MEIS1: variants seen among roughly 807,000 people sequenced by gnomAD.
MEIS1 encodes the protein homeobox protein Meis1.
MEIS1 carries 5 observed loss-of-function variants against 50.8 expected under a neutral mutation model. The observed-to-expected ratio is 0.10, with a 90% CI of 0.05 to 0.21. MEIS1 has a LOEUF of 0.21. Among genes scored for constraint, MEIS1 ranks in the 10% least tolerant of loss-of-function variants. The pLI is 1.00. For synonymous variants in MEIS1, 176 were observed against 179.3 expected, an observed-to-expected ratio of 0.98 and a Z score of 0.15; for missense variants, 318 against 517.3, an observed-to-expected ratio of 0.61 and a Z score of 3.74.
intron 8 of MEIS1, among the ~76,000 whole-genome samples, chr2:66,535,367 T>A (rs1014681601): frequency 1.5e-4 from 23 of 152,216 alleles, no homozygotes; most frequent in African/African-American, 4.8e-4. Context: ...GGGATCACCC[T>A]TCTCAAAGTC....
chr2:66,557,695 C>T (rs1297950797), intron 9 of MEIS1, among the ~76,000 whole-genome samples: 1 of 152,150 alleles, frequency 6.6e-6, no homozygotes, highest in African/African-American at 2.4e-5. Context: ...AGTGGATGGG[C>T]ATTTGATATT....
At chr2:66,465,904 G>A (rs1672623431) in intron 7 of MEIS1, among the ~76,000 whole-genome samples, 1 of 152,096 alleles carries the variant, frequency 6.6e-6, no homozygotes, top group Non-Finnish European at 1.5e-5. Flanking sequence ...TTCAACAAGT[G>A]TTCTCCAAAG....
intron 8 of MEIS1, among the ~76,000 whole-genome samples, chr2:66,544,965 T>G (rs1201365760): frequency 6.6e-6 from 1 of 152,204 alleles, no homozygotes; most frequent in Non-Finnish European, 1.5e-5. Flanking sequence ...ACCACTTGCA[T>G]AAATAAAATG....
intron 1 of MEIS1, among the ~76,000 whole-genome samples, chr2:66,436,462 A>G (rs978912846): frequency 2.7e-4 from 41 of 152,242 alleles, no homozygotes; most frequent in Middle Eastern, 3.2e-3. Context: ...CACTTTAAAA[A>G]TGCAATACTA....
At chr2:66,472,938 AC>A (rs2103764622) in intron 7 of MEIS1, among the ~76,000 whole-genome samples, 1 of 152,176 alleles carries the variant, frequency 6.6e-6, no homozygotes, top group East Asian at 1.9e-4. Flanking sequence ...GGAGGAGAGG[AC>A]CCCTTTGGCA....
At chr2:66,484,179 C>A (rs1458685658) in intron 7 of MEIS1, among the ~76,000 whole-genome samples, 1 of 152,100 alleles carries the variant, frequency 6.6e-6, no homozygotes, top group East Asian at 1.9e-4. Flanking sequence ...TATGGGGAAG[C>A]AAAACTAGAT....
chr2:66,560,439 C>T (rs962732718), intron 9 of MEIS1, among the ~76,000 whole-genome samples: 2 of 151,424 alleles, frequency 1.3e-5, no homozygotes, highest in African/African-American at 2.4e-5. Flanking sequence ...AACAAAACGA[C>T]AAAAACTAGC....
intron 7 of MEIS1, among the ~76,000 whole-genome samples, chr2:66,476,461 C>T (rs763461153): frequency 7.2e-5 from 11 of 152,150 alleles, no homozygotes; most frequent in African/African-American, 2.4e-4. Context: ...CACTGCATAC[C>T]GGTCCTCTGC....
intron 8 of MEIS1, among the ~76,000 whole-genome samples, chr2:66,546,780 G>C (rs939608393): frequency 6.6e-6 from 1 of 152,162 alleles, no homozygotes; most frequent in African/African-American, 2.4e-5. Flanking sequence ...TCTCTCTGCT[G>C]TTCACAAACA....
intron 7 of MEIS1, among the ~76,000 whole-genome samples, chr2:66,490,852 T>TGA (rs1379473016): frequency 6.6e-6 from 1 of 152,176 alleles, no homozygotes; most frequent in African/African-American, 2.4e-5. Flanking sequence ...GCACTGTTAG[T>TGA]CCATATCGGG....
chr2:66,501,305 A>G (rs942923555), intron 7 of MEIS1, among the ~76,000 whole-genome samples: 9 of 152,280 alleles, frequency 5.9e-5, no homozygotes, highest in Non-Finnish European at 1.0e-4. Flanking sequence ...CCTGAGAAAA[A>G]GATTGGGGGA....
intron 7 of MEIS1, among the ~76,000 whole-genome samples, chr2:66,501,731 C>A (rs1413095458): frequency 6.6e-6 from 1 of 151,624 alleles, no homozygotes; most frequent in African/African-American, 2.4e-5. Context: ...CTTCTATGAA[C>A]ACTTACATAA....
intron 9 of MEIS1, among the ~76,000 whole-genome samples, chr2:66,565,281 ACTCT>A (rs139817451): frequency 0.091 from 13,721 of 150,874 alleles, 724 homozygotes; most frequent in East Asian, 0.21. Context: ...CACTGTATTC[ACTCT>A]CTCTCTCTCT....
At chr2:66,480,166 A>C (rs904615759) in intron 7 of MEIS1, among the ~76,000 whole-genome samples, 1 of 152,212 alleles carries the variant, frequency 6.6e-6, no homozygotes, top group Non-Finnish European at 1.5e-5. Flanking sequence ...GTTTAATGTA[A>C]ATGCAAGCCA....
chr2:66,556,324 G>A (rs1675063659), intron 9 of MEIS1, among the ~76,000 whole-genome samples: 2 of 152,174 alleles, frequency 1.3e-5, no homozygotes, highest in South Asian at 2.1e-4. Context: ...TAACTAACCA[G>A]TGCCTCACAA....
rs1016195548 is a variant in MEIS1 at position 66,573,323 on chromosome 2, A to G, written c.*2115A>G. The G allele has an allele frequency of 6.6e-6, 1 of 152,226 alleles. No individual in the cohort carries two copies. Among genetic ancestry groups the G allele is most frequent in the Non-Finnish European group, 1.5e-5 (1 of 68,034 alleles). The allele number at this position is 152,226 out of a possible 1,614,324, so 9.4% of individuals were successfully genotyped here. On this transcript the variant is annotated 3_prime_UTR_variant, in exon 13 of 13. Transcript: ENST00000272369. The stretch of plus-strand genomic sequence containing the variant: ...ATTTTATTTAAATAAAATTGCTGCT[A>G]TAAAAAGTGCTTCCCAAAGCTAAGG...
rs1268894585 is a variant in MEIS1 at position 66,543,876 on chromosome 2, C to G, written c.889-4067C>G. On this transcript the variant is annotated intron_variant, in intron 8 of 12. Coordinates refer to ENST00000272369, the MANE Select transcript of MEIS1 (RefSeq NM_002398.3). ...CACAACAAAGGCGAGGTCTCCCTCA[C>G]TGTCTATGGGACTGTGGTCAAATTT... Among the ~76,000 whole-genome samples, 3 of 152,346 alleles carry G rather than the reference C, an allele frequency of 2.0e-5. No homozygotes were observed. The East Asian group carries it at 5.8e-4, about 29-fold the overall frequency.
chr2:66,503,805 C>T (rs1673621377), intron 7 of MEIS1, among the ~76,000 whole-genome samples: 2 of 138,824 alleles, frequency 1.4e-5, no homozygotes, highest in Non-Finnish European at 3.0e-5. Flanking sequence ...AGTGCAATGG[C>T]GCGATCTTGG....
At chr2:66,454,959 T>G (rs1672355993) in intron 6 of MEIS1, among the ~76,000 whole-genome samples, 1 of 152,156 alleles carries the variant, frequency 6.6e-6, no homozygotes, top group Non-Finnish European at 1.5e-5. Context: ...GATTAGGGTT[T>G]TTTTCAGCCA....
Sources: allele counts gnomAD v4.1 joint callset (sites outside exome capture counted in the v4.1 genomes callset), GRCh38; gene constraint gnomAD v4.1.1; transcripts MANE v1.5; gene names NCBI Gene and HGNC (gene_info 2026-07-23, HGNC 2026-07-21).